RMDN1: variants seen among roughly 807,000 people sequenced by gnomAD.
RMDN1 encodes the protein regulator of microtubule dynamics 1.
A neutral mutation model predicts 48.9 loss-of-function variants in RMDN1; 48 were observed. The ratio of observed to expected loss-of-function variants is 0.98; its 90% CI spans 0.78 to 1.25. The LOEUF is 1.25. Ranked by LOEUF, RMDN1 falls within the 50% of genes most tolerant of loss-of-function variation. The probability of loss-of-function intolerance (pLI) is 0.00; values close to 1 mark genes in which losing one functional copy is unlikely to be tolerated. For synonymous variants in RMDN1, 148 were observed against 132.6 expected, an observed-to-expected ratio of 1.12 and a Z score of -0.80; for missense variants, 418 against 373.4, an observed-to-expected ratio of 1.12 and a Z score of -0.98.
At chr8:86,485,118 T>C (rs1018661764) in intron 4 of RMDN1, among the ~76,000 whole-genome samples, 157 bp from the exon 5 acceptor site, 1 of 152,182 alleles carries the variant, frequency 6.6e-6, no homozygotes, top group Non-Finnish European at 1.5e-5. Flanking sequence ...TAAAGAGAAG[T>C]GGACATGGCC....
Position 86,478,974 on chromosome 8 carries a change from T to C in RMDN1, c.678A>G (p.Arg226=). 1 of 1,614,050 alleles carries C rather than the reference T, an allele frequency of 6.2e-7. No individual in the cohort carries two copies. Among genetic ancestry groups the C allele is most frequent in the Non-Finnish European group, 8.5e-7 (1 of 1,179,928 alleles). Residue 226 remains arginine, a synonymous_variant, in exon 7 of 10, where the codon AGA becomes AGG. Coordinates refer to ENST00000406452, the MANE Select transcript of RMDN1 (RefSeq NM_016033.3). ...TTGCAAACAGCATTTTAGCAATTCT[T>C]CTTTGATACCAAGGCATTTCGGCAA... The part of the protein sequence containing the change: ...YTFAEMPWYQ[R]RIAKMLFATP...
At chr8:86,485,643 T>C (rs1396163603) in intron 4 of RMDN1, among the ~76,000 whole-genome samples, 1 of 152,140 alleles carries the variant, frequency 6.6e-6, no homozygotes, top group Non-Finnish European at 1.5e-5. Context: ...TCACATTGCA[T>C]TGTTATAGTA....
chr8:86,482,404 CAA>C, intron 5 of RMDN1: 2 of 411,376 alleles, frequency 4.9e-6, no homozygotes, highest in Non-Finnish European at 9.1e-6. Flanking sequence ...CTGTCTCAAA[CAA>C]AAAAAAGAAA....
In RMDN1 at chr8:86,479,016, G is replaced by A. The variant is rs1813873475; in HGVS notation, c.642-6C>T. ...TTTCGGCAAATGTATAGCACCTACA[G>A]GGAAATAAAACAATTTTATACATTC... On this transcript the variant is annotated splice_polypyrimidine_tract_variant and splice_region_variant and intron_variant, in intron 6 of 9. Transcript: ENST00000406452. 2 of 1,607,588 alleles carry A rather than the reference G, an allele frequency of 1.2e-6. No homozygotes were observed. Among genetic ancestry groups the A allele is most frequent in the Non-Finnish European group, 1.7e-6 (2 of 1,174,878 alleles).
chr8:86,512,384 T>C (rs1020532511), upstream of RMDN1, among the ~76,000 whole-genome samples: 4 of 152,226 alleles, frequency 2.6e-5, no homozygotes, highest in Admixed American at 1.3e-4. Context: ...ACCTCCCCAG[T>C]ACACTTCAGC....
intron 2 of RMDN1, among the ~76,000 whole-genome samples, chr8:86,499,681 C>CA (rs35354130): frequency 0.27 from 40,231 of 151,706 alleles, 6,220 homozygotes; most frequent in East Asian, 0.54. Context: ...CACAGAGTTA[C>CA]AAAAAACTAC....
intron 5 of RMDN1, chr8:86,483,059 G>T: frequency 1.1e-5 from 5 of 466,636 alleles, no homozygotes; most frequent in East Asian, 6.8e-5. Flanking sequence ...GGTTGAGAGG[G>T]GTACTTTCAA....
At chr8:86,491,431 A>T (rs189167307) in intron 2 of RMDN1, among the ~76,000 whole-genome samples, 64 of 152,332 alleles carry the variant, frequency 4.2e-4, no homozygotes, top group African/African-American at 1.5e-3. Flanking sequence ...TGTACAATTT[A>T]TAAGAAAAAA....
At chr8:86,477,261 C>A (rs370162731) in intron 8 of RMDN1, 33 bp downstream of exon 8, 3 of 1,496,400 alleles carry the variant, frequency 2.0e-6, no homozygotes, top group African/African-American at 2.8e-5. Flanking sequence ...ACAATTTTAA[C>A]TATATTAATA....
chr8:86,470,121 A>T (rs1203089542), downstream of RMDN1: 3 of 1,258,450 alleles, frequency 2.4e-6, no homozygotes, highest in Non-Finnish European at 1.0e-6. Flanking sequence ...TCAGTATTCT[A>T]CTCATATCCT....
chr8:86,498,258 T>TAAA (rs141809264), intron 2 of RMDN1, among the ~76,000 whole-genome samples: 2 of 144,960 alleles, frequency 1.4e-5, no homozygotes, highest in Non-Finnish European at 1.5e-5. Context: ...GAATCAGTAG[T>TAAA]AAAAAAAAAA....
At chr8:86,508,453 G>A in intron 1 of RMDN1, 39 bp downstream of exon 1, 2 of 1,532,952 alleles carry the variant, frequency 1.3e-6, no homozygotes, top group Non-Finnish European at 1.8e-6. Flanking sequence ...AACCCACTGA[G>A]TAGGAAGTGA....
At chr8:86,480,131 G>T in intron 6 of RMDN1, 146 bp downstream of exon 6, 2 of 446,420 alleles carry the variant, frequency 4.5e-6, no homozygotes, top group Non-Finnish European at 4.0e-6. Context: ...ATATACAAGG[G>T]CTAGTTAATG....
intron 2 of RMDN1, 74 bp downstream of exon 2, chr8:86,506,921 G>C: frequency 1.3e-6 from 1 of 764,534 alleles, no homozygotes; most frequent in Non-Finnish European, 2.3e-6. Context: ...CTGATTCTTT[G>C]TTTTAAAATA....
At position 86,486,602 on chromosome 8, in the gene RMDN1, C is replaced by A. The variant is rs200295883; in HGVS notation, c.377G>T (p.Arg126Leu). The A allele has an allele frequency of 2.5e-6, 4 of 1,608,136 alleles. No homozygotes were observed. ...GGTTCTGCTAAGCTGAGCTACATCA[C>A]GTGATGCCCGTGCCAAACGCCACAG... ...ELLWRLARAS[R>L]DVAQLSRTSE... The change falls in exon 4 of 10, where the codon CGT (arginine) becomes CTT (leucine). Residue 126 changes from arginine to leucine, a missense_variant. Arg to Leu is a moderately radical substitution (Grantham distance 102). Coordinates refer to ENST00000406452, the MANE Select transcript of RMDN1 (RefSeq NM_016033.3).
intron 2 of RMDN1, among the ~76,000 whole-genome samples, chr8:86,501,102 C>G (rs372839583): frequency 3.5e-4 from 54 of 152,230 alleles, no homozygotes; most frequent in African/African-American, 1.3e-3. Flanking sequence ...GGGTACAATG[C>G]TCACTACCTG....
chr8:86,472,624 CAT>C lies in RMDN1; in HGVS notation c.*1682_*1683del, dbSNP rs1246189935. The C allele has an allele frequency of 1.7e-6, 1 of 595,094 alleles. No homozygotes were observed. The highest frequency in any genetic ancestry group is 3.0e-6 in the Non-Finnish European group (1 of 337,400). 36.9% of individuals were successfully genotyped at this position (595,094 alleles called of 1,614,324 possible). A position where few individuals can be genotyped will look rare whatever the true frequency, so the allele number is the denominator to read the frequency against. On this transcript the variant is annotated 3_prime_UTR_variant, in exon 10 of 10. Coordinates refer to ENST00000406452, the MANE Select transcript of RMDN1 (RefSeq NM_016033.3). Reference sequence around the variant, plus strand: ...TACTGTTGCCTAGCTACCCTGACCACATTATTTTTTCACTGTATCAGTGGTGT... The same window carrying C: ...TACTGTTGCCTAGCTACCCTGACCACTATTTTTTCACTGTATCAGTGGTGT...
At position 86,501,660 on chromosome 8, in the gene RMDN1, C is replaced by T. The variant is rs549260874; in HGVS notation, c.247+5335G>A. 3.9e-5 allele frequency among the ~76,000 whole-genome samples: 2 copies of T among 51,288 alleles called. 1 individual carries two copies. The highest frequency in any genetic ancestry group is 2.0e-3 in the South Asian group (2 of 998). 33.6% of individuals were successfully genotyped at this position (51,288 alleles called of 152,430 possible). On this transcript the variant is annotated intron_variant, in intron 2 of 9. Transcript: ENST00000406452. ...CTGTGGCCTAAGCATCAGAGTGAGA[C>T]CCTGTCTCAAAAAAAAAATAAGTTC...
intron 2 of RMDN1, among the ~76,000 whole-genome samples, chr8:86,506,197 GATTC>G (rs1209256593): frequency 6.6e-6 from 1 of 152,160 alleles, no homozygotes; most frequent in Non-Finnish European, 1.5e-5. Flanking sequence ...TCTTGGTAGA[GATTC>G]ATTATTTCTC....
Sources: allele counts gnomAD v4.1 joint callset (sites outside exome capture counted in the v4.1 genomes callset), GRCh38; gene constraint gnomAD v4.1.1; transcripts MANE v1.5; gene names NCBI Gene and HGNC (gene_info 2026-07-23, HGNC 2026-07-21).